The following LPIN2 variants were observed in gnomAD, a reference collection of about 807,000 sequenced individuals.
LPIN2 encodes lipin 2.
Under a neutral mutation model 111.4 loss-of-function variants are expected in LPIN2, and 55 were observed. The ratio of observed to expected loss-of-function variants is 0.49; its 90% CI spans 0.40 to 0.62. The LOEUF is 0.62. LPIN2 is among the 20% of genes least tolerant of loss of function. The probability of loss-of-function intolerance (pLI) is 0.00; values close to 1 mark genes in which losing one functional copy is unlikely to be tolerated. For missense variants in LPIN2, 992 were observed against 1,112.1 expected (o/e 0.89, Z 1.54); for synonymous variants, 425 against 414.0 (o/e 1.03, Z -0.32).
At position 2,921,528 on chromosome 18, in the gene LPIN2, C is replaced by A; in HGVS notation, c.2442+5G>T. The stretch of plus-strand genomic sequence containing the variant: ...ATCAGAACCCAGAGCCCAGGAGATA[C>A]TCACATTTGGACGGTTTCCAAAGGC... On this transcript the variant is annotated splice_donor_5th_base_variant and intron_variant, in intron 18 of 19. Transcript: ENST00000677752. The A allele has an allele frequency of 6.2e-7, 1 of 1,605,828 alleles. No homozygotes were observed. Among genetic ancestry groups the A allele is most frequent in the Non-Finnish European group, 8.5e-7 (1 of 1,172,374 alleles).
rs532359167 is a variant in LPIN2 at position 2,937,848 on chromosome 18, C to T, written c.1012G>A (p.Asp338Asn). ...KPRALGTQMS[D>N]PTSVAELLEP... ...AGAAGCTCTGCCACAGATGTTGGGT[C>T]GCTCATCTGTGTACCCAGGGCTCTG... Residue 338 changes from aspartate to asparagine, a missense_variant, in exon 7 of 20, where the codon GAC (aspartate) becomes AAC (asparagine). Coordinates refer to ENST00000677752, the MANE Select transcript of LPIN2 (RefSeq NM_001375808.2). 6 of 1,614,114 alleles carry T rather than the reference C, an allele frequency of 3.7e-6. No homozygotes were observed. Among genetic ancestry groups the T allele is most frequent in the East Asian group, 4.5e-5 (2 of 44,862 alleles).
In LPIN2 at chr18:2,940,835, C is replaced by A; in HGVS notation, c.591-123G>T. 4.3e-6 allele frequency: 3 copies of A among 694,140 alleles called. No individual in the cohort carries two copies. The East Asian group carries it at 8.2e-5, about 19-fold the overall frequency. The allele number at this position is 694,140 out of a possible 1,614,324, so 43.0% of individuals were successfully genotyped here. ...AGAGGGGCAAATGATTACTAACTCT[C>A]TCTAAAATATATGAAGGAGAAGGGG... On this transcript the variant is annotated intron_variant, in intron 4 of 19. Transcript: ENST00000677752.
At chr18:2,963,807 G>T (rs1208731212) in intron 1 of LPIN2, among the ~76,000 whole-genome samples, 1 of 151,634 alleles carries the variant, frequency 6.6e-6, no homozygotes, top group African/African-American at 2.4e-5. Context: ...GGAACAAGAA[G>T]AATACATCCA....
At chr18:3,004,376 G>A (rs575615222) in intron 1 of LPIN2, among the ~76,000 whole-genome samples, 2 of 152,284 alleles carry the variant, frequency 1.3e-5, no homozygotes, top group South Asian at 4.1e-4. Context: ...CAGAGGCCCA[G>A]CTGTGAAATT....
At chr18:2,958,354 T>C (rs1258149072) in intron 2 of LPIN2, among the ~76,000 whole-genome samples, 2 of 152,142 alleles carry the variant, frequency 1.3e-5, no homozygotes, top group East Asian at 3.9e-4. Flanking sequence ...GGGAAAATTA[T>C]TATACTACAT....
chr18:2,976,599 T>C (rs922957934), intron 1 of LPIN2, among the ~76,000 whole-genome samples: 6 of 152,248 alleles, frequency 3.9e-5, no homozygotes, highest in African/African-American at 1.4e-4. Context: ...ACAGCTTCCC[T>C]GGGCATTCAA....
At chr18:2,945,240 T>G (rs1034268721) in intron 4 of LPIN2, among the ~76,000 whole-genome samples, 1 of 152,210 alleles carries the variant, frequency 6.6e-6, no homozygotes, top group African/African-American at 2.4e-5. Context: ...ATTTCTTTGC[T>G]TAACAGAGAA....
intron 4 of LPIN2, among the ~76,000 whole-genome samples, chr18:2,941,268 T>C (rs2077363882): frequency 6.6e-6 from 1 of 152,214 alleles, no homozygotes; most frequent in South Asian, 2.1e-4. Context: ...TTGGGACTAA[T>C]TTTCTTCTTT....
At position 2,951,118 on chromosome 18, in the gene LPIN2, G is replaced by A. The variant is rs771124653; in HGVS notation, c.527C>T (p.Ala176Val). Reference sequence around the variant, plus strand: ...GCCTACATCACATGTGTCTTCTGCAGCAGCAGATGCGGCCTGCTCTTCCTT... The same window carrying A: ...GCCTACATCACATGTGTCTTCTGCAACAGCAGATGCGGCCTGCTCTTCCTT... ...SKKEEQAASA[A>V]AEDTCDVGVS... The change falls in exon 4 of 20, where the codon GCT (alanine) becomes GTT (valine). Residue 176 changes from alanine to valine, a missense_variant. This residue lies in a region of LPIN2 where 709 missense variants were observed against 753.2 expected (regional missense o/e 0.94). Coordinates refer to ENST00000677752, the MANE Select transcript of LPIN2 (RefSeq NM_001375808.2). 1.2e-6 allele frequency: 2 copies of A among 1,614,160 alleles called. No homozygotes were observed. The highest frequency in any genetic ancestry group is 1.7e-6 in the Non-Finnish European group (2 of 1,180,032).
intron 1 of LPIN2, among the ~76,000 whole-genome samples, chr18:3,008,251 G>A (rs950487714): frequency 2.0e-5 from 3 of 152,188 alleles, no homozygotes; most frequent in African/African-American, 7.2e-5. Flanking sequence ...AGACCAGCCT[G>A]GGCAACATGA....
intron 1 of LPIN2, among the ~76,000 whole-genome samples, chr18:2,999,143 G>C (rs1294669033): frequency 6.6e-6 from 1 of 152,190 alleles, no homozygotes; most frequent in Non-Finnish European, 1.5e-5. Flanking sequence ...CCCACTGTTT[G>C]GGTTGAAGTA....
At chr18:2,997,879 C>A (rs666624) in intron 1 of LPIN2, among the ~76,000 whole-genome samples, 1 of 152,102 alleles carries the variant, frequency 6.6e-6, no homozygotes, top group Non-Finnish European at 1.5e-5. Context: ...TCTGCTAGAT[C>A]GGTAAGCATG....
intron 14 of LPIN2, 115 bp from the exon 15 acceptor site, chr18:2,924,661 C>CCAACAA (rs2077104231): frequency 2.1e-5 from 24 of 1,117,836 alleles, no homozygotes; most frequent in Non-Finnish European, 3.0e-5. Flanking sequence ...GGATGGTTTC[C>CCAACAA]GGGGTCTTAG....
intron 8 of LPIN2, among the ~76,000 whole-genome samples, chr18:2,932,278 A>G (rs1020230111): frequency 3.3e-5 from 5 of 152,212 alleles, no homozygotes; most frequent in African/African-American, 1.2e-4. Flanking sequence ...TTTCAAATTC[A>G]CTTATTTTAT....
chr18:2,952,181 C>T (rs1163054349), intron 3 of LPIN2, among the ~76,000 whole-genome samples: 4 of 152,216 alleles, frequency 2.6e-5, no homozygotes, highest in Non-Finnish European at 5.9e-5. Context: ...AATCCCAGCA[C>T]TTTGGGAGGC....
At position 2,925,418 on chromosome 18, in the gene LPIN2, A is replaced by C; in HGVS notation, c.1794-50T>G. The C allele has an allele frequency of 6.2e-7, 1 of 1,611,944 alleles. No individual in the cohort carries two copies. The highest frequency in any genetic ancestry group is 8.5e-7 in the Non-Finnish European group (1 of 1,178,522). On this transcript the variant is annotated intron_variant, in intron 13 of 19. Transcript: ENST00000677752. This position sits in a 1 kb window ranked among gnomAD's most constrained non-coding sequence, Gnocchi z 4.1. Reference sequence around the variant, plus strand: ...GAAGAGGCAGCAGGGCATTTTATTGATGAGAGCTTTTCATTTAGGATCAAG... The same window carrying C: ...GAAGAGGCAGCAGGGCATTTTATTGCTGAGAGCTTTTCATTTAGGATCAAG...
intron 1 of LPIN2, among the ~76,000 whole-genome samples, chr18:2,973,178 A>C (rs925492781): frequency 5.3e-5 from 8 of 152,216 alleles, no homozygotes; most frequent in African/African-American, 1.9e-4. Flanking sequence ...TGAACTATTC[A>C]AAATAGATTT....
In LPIN2 at chr18:2,968,407, C is replaced by T. The variant is rs565409551; in HGVS notation, c.-9-7558G>A. ...CACAGTCAAAATTAAGCACCTATTT[C>T]ATGCCAGTCACTACAGTAAGTCCTT... is the stretch of plus-strand genomic sequence containing the variant. On this transcript the variant is annotated intron_variant, in intron 1 of 19. Transcript: ENST00000677752. Among the ~76,000 whole-genome samples the T allele has an allele frequency of 3.9e-5, 6 of 152,312 alleles. No individual in the cohort carries two copies. In the South Asian group the frequency reaches 1.2e-3, roughly 32 times the overall value.
In LPIN2 at chr18:2,962,714, C is replaced by T. The variant is rs138557558; in HGVS notation, c.-9-1865G>A. 7.0e-3 allele frequency among the ~76,000 whole-genome samples: 1,069 copies of T among 152,178 alleles called. 19 individuals are homozygous for T. The highest frequency in any genetic ancestry group is 0.042 in the Admixed American group (647 of 15,282). On this transcript the variant is annotated intron_variant, in intron 1 of 19. Coordinates refer to ENST00000677752, the MANE Select transcript of LPIN2 (RefSeq NM_001375808.2). Reference sequence around the variant, plus strand: ...GTAGGTAATGCATATTCACAACATGCTTTTTACCTACATGGCACACACATG... The same window carrying T: ...GTAGGTAATGCATATTCACAACATGTTTTTTACCTACATGGCACACACATG...
Sources: allele counts gnomAD v4.1 joint callset (sites outside exome capture counted in the v4.1 genomes callset), GRCh38; gene constraint gnomAD v4.1.1; regional missense constraint gnomAD v4.1.1; non-coding constraint Gnocchi (gnomAD v3.1); transcripts MANE v1.5; gene names NCBI Gene and HGNC (gene_info 2026-07-23, HGNC 2026-07-21).